Variants in LINGO2 observed in about 807,000 individuals in gnomAD.
LINGO2 encodes leucine-rich repeat and immunoglobulin-like domain-containing nogo receptor-interacting protein 2.
LINGO2 carries 14 observed loss-of-function variants against 30.6 expected under a neutral mutation model. That is an observed-to-expected ratio of 0.46 (90% CI 0.30 to 0.72). LINGO2 has a LOEUF of 0.72. Among genes scored for constraint, LINGO2 ranks in the 30% least tolerant of loss-of-function variants. The probability of loss-of-function intolerance (pLI) is 0.07; values close to 1 mark genes in which losing one functional copy is unlikely to be tolerated. For synonymous variants in LINGO2, 317 were observed against 288.5 expected, an observed-to-expected ratio of 1.10 and a Z score of -1.00; for missense variants, 729 against 751.7, an observed-to-expected ratio of 0.97 and a Z score of 0.35.
In LINGO2 at chr9:28,045,206, C is replaced by T. The variant is rs562390072; in HGVS notation, c.-86-32801G>A. On this transcript the variant is annotated intron_variant, in intron 4 of 5. Coordinates refer to ENST00000379992, the Ensembl canonical transcript of LINGO2. ...CACACACACACAAACTACAGATTGT[C>T]TTGTAAAGAAACAGATGGAAAACAA... Among the ~76,000 whole-genome samples, 163 of 152,182 alleles carry T rather than the reference C, an allele frequency of 1.1e-3. 3 individuals are homozygous for T. Among genetic ancestry groups the T allele is most frequent in the African/African-American group, 3.7e-3 (152 of 41,534 alleles).
chr9:28,398,171 T>C (rs1822129624), intron 2 of LINGO2, among the ~76,000 whole-genome samples: 1 of 152,134 alleles, frequency 6.6e-6, no homozygotes. Flanking sequence ...ATAACCCATG[T>C]TATGTGGAGG....
chr9:28,542,596 G>A (rs1374912387), intron 1 of LINGO2, among the ~76,000 whole-genome samples: 1 of 152,012 alleles, frequency 6.6e-6, no homozygotes, highest in Admixed American at 6.6e-5. Flanking sequence ...TGAGGCCTAA[G>A]AAGAAAATTT....
At chr9:29,099,215 C>T in the LINGO2 span, among the ~76,000 whole-genome samples, 481 of 152,266 alleles carry the variant, frequency 3.2e-3, no homozygotes, top group African/African-American at 0.01. Context: ...TATCTCTCAC[C>T]ACCTACAGGG....
intron 4 of LINGO2, among the ~76,000 whole-genome samples, chr9:28,037,871 T>C (rs1011423329): frequency 1.3e-5 from 2 of 152,230 alleles, no homozygotes; most frequent in African/African-American, 4.8e-5. Context: ...TCAGCTACTC[T>C]ACTAGTCCTT....
the LINGO2 span, among the ~76,000 whole-genome samples, chr9:28,990,614 G>A: frequency 6.6e-6 from 1 of 152,092 alleles, no homozygotes; most frequent in Admixed American, 6.5e-5. Flanking sequence ...ACCCAGTAGG[G>A]GCAGACTGAC....
At chr9:28,095,100 A>G (rs1233701011) in intron 4 of LINGO2, among the ~76,000 whole-genome samples, 4 of 152,156 alleles carry the variant, frequency 2.6e-5, no homozygotes, top group Non-Finnish European at 5.9e-5. Flanking sequence ...CAGATTTTTG[A>G]AAACAATTAC....
intron 1 of LINGO2, among the ~76,000 whole-genome samples, chr9:28,541,799 A>G (rs1385451932): frequency 6.6e-6 from 1 of 152,178 alleles, no homozygotes; most frequent in African/African-American, 2.4e-5. Context: ...GTTCTTGAAT[A>G]TGGTAAATCA....
chr9:28,293,584 G>A (rs2134177423), intron 4 of LINGO2, among the ~76,000 whole-genome samples: 1 of 152,088 alleles, frequency 6.6e-6, no homozygotes, highest in South Asian at 2.1e-4. Context: ...TTCTATAAAT[G>A]TCAACTAGAT....
rs959391967 is a variant in LINGO2 at position 27,994,126 on chromosome 9, A to G, written c.-36+18229T>C. ...CACATTAAAATGGAAACAACATACT[A>G]AAACCTATAGGATACAGCAAAAGTA... On this transcript the variant is annotated intron_variant, in intron 5 of 5. Coordinates refer to ENST00000379992, the Ensembl canonical transcript of LINGO2. 2.6e-5 allele frequency among the ~76,000 whole-genome samples: 4 copies of G among 152,160 alleles called. No individual in the cohort carries two copies. In the South Asian group the frequency reaches 8.3e-4, roughly 32 times the overall value.
chr9:28,031,959 A>G (rs533826463), intron 4 of LINGO2, among the ~76,000 whole-genome samples: 1 of 150,100 alleles, frequency 6.7e-6, no homozygotes. Context: ...GGCAGTACCT[A>G]TTAAAAGTTG....
At chr9:28,728,523 CA>C in the LINGO2 span, among the ~76,000 whole-genome samples, 9 of 151,324 alleles carry the variant, frequency 5.9e-5, no homozygotes, top group African/African-American at 2.2e-4. Flanking sequence ...TAAGGAGATG[CA>C]AAAAAATAAA....
chr9:28,847,820 CATATATATGTATAGTATATAT>C, the LINGO2 span, among the ~76,000 whole-genome samples: 1 of 36,600 alleles, frequency 2.7e-5, no homozygotes, highest in East Asian at 5.9e-4. Context: ...TGTATATATA[CATATATATGTATAGTATATAT>C]ACACATATAT....
chr9:28,077,791 G>C (rs201979846), intron 4 of LINGO2, among the ~76,000 whole-genome samples: 1 of 123,562 alleles, frequency 8.1e-6, no homozygotes. Flanking sequence ...AAAAAAGAAA[G>C]AGAAGAAAGA....
intron 1 of LINGO2, among the ~76,000 whole-genome samples, chr9:28,556,094 GA>G (rs1431174903): frequency 6.6e-6 from 1 of 152,044 alleles, no homozygotes; most frequent in Non-Finnish European, 1.5e-5. Context: ...ACAAGACAGG[GA>G]TGCCCTCTCT....
chr9:29,014,829 G>C, the LINGO2 span, among the ~76,000 whole-genome samples: 1 of 152,112 alleles, frequency 6.6e-6, no homozygotes, highest in Admixed American at 6.6e-5. Flanking sequence ...TGTAAAAAAT[G>C]TTATGACCCT....
the LINGO2 span, among the ~76,000 whole-genome samples, chr9:29,166,659 C>A: frequency 2.0e-4 from 31 of 152,166 alleles, no homozygotes; most frequent in African/African-American, 7.5e-4. Flanking sequence ...ATTTATACTG[C>A]AATCTGGAAT....
the LINGO2 span, among the ~76,000 whole-genome samples, chr9:28,948,608 A>C: frequency 1.1e-4 from 17 of 152,168 alleles, no homozygotes; most frequent in African/African-American, 4.1e-4. Flanking sequence ...CAATCACATA[A>C]AATACAATGA....
chr9:28,755,620 T>C, the LINGO2 span, among the ~76,000 whole-genome samples: 3 of 152,062 alleles, frequency 2.0e-5, no homozygotes, highest in African/African-American at 7.3e-5. Flanking sequence ...AAGGAAGAAA[T>C]GATGCTATTT....
intron 2 of LINGO2, among the ~76,000 whole-genome samples, chr9:28,444,474 T>A (rs1331918): frequency 1.3e-5 from 2 of 152,004 alleles, no homozygotes; most frequent in Admixed American, 1.3e-4. Context: ...GGCTGAAACA[T>A]GCCCCCATCA....
Sources: gnomAD v4.1 joint callset for allele counts (sites outside exome capture counted in the v4.1 genomes callset) on GRCh38, gnomAD v4.1.1 for gene constraint, MANE v1.5 for transcripts, NCBI Gene and HGNC (gene_info 2026-07-23, HGNC 2026-07-21) for gene names.